Variants in CORO7 observed in about 807,000 individuals in gnomAD.
CORO7 encodes coronin 7.
CORO7 carries 107 observed loss-of-function variants against 126.6 expected under a neutral mutation model. The ratio of observed to expected loss-of-function variants is 0.85; its 90% CI spans 0.72 to 0.99. The LOEUF is 0.99. Among genes scored for constraint, CORO7 ranks in the 50% least tolerant of loss-of-function variants. The pLI is 0.00. For synonymous variants in CORO7, 603 were observed against 536.8 expected (o/e 1.12, Z -1.70); for missense variants, 1,314 against 1,255.8 (o/e 1.05, Z -0.70).
At chr16:4,404,316 G>A (rs1293315486) in intron 6 of CORO7, among the ~76,000 whole-genome samples, 2 of 152,142 alleles carry the variant, frequency 1.3e-5, no homozygotes, top group East Asian at 3.9e-4. Flanking sequence ...AACCCCGACA[G>A]GTCTTCAGAG....
chr16:4,365,173 G>A, intron 10 of CORO7, 113 bp from the exon 11 acceptor site: 1 of 1,470,918 alleles, frequency 6.8e-7, no homozygotes, highest in Non-Finnish European at 9.2e-7. Context: ...GAACCACAGT[G>A]GCTGGAGATG....
At chr16:4,369,872 G>A (rs1361853003) in intron 9 of CORO7, among the ~76,000 whole-genome samples, 2 of 148,774 alleles carry the variant, frequency 1.3e-5, no homozygotes, top group Non-Finnish European at 3.0e-5. Flanking sequence ...TAGCTCCCCC[G>A]CTGTGTGCAG....
intron 6 of CORO7, among the ~76,000 whole-genome samples, chr16:4,400,301 C>A (rs2055751836): frequency 6.6e-6 from 1 of 151,720 alleles, no homozygotes; most frequent in East Asian, 1.9e-4. Context: ...AAGTTTGAGA[C>A]CAGCCTGGTC....
chr16:4,407,896 C>CT (rs770462547), intron 4 of CORO7, among the ~76,000 whole-genome samples: 9 of 152,310 alleles, frequency 5.9e-5, no homozygotes, highest in Middle Eastern at 6.8e-3. Flanking sequence ...ATCTCAGCTC[C>CT]TAGACCACAC....
intron 8 of CORO7, 114 bp from the exon 9 acceptor site, chr16:4,388,182 G>C (rs2055263181): frequency 1.5e-6 from 2 of 1,373,826 alleles, no homozygotes; most frequent in Admixed American, 2.1e-5. Flanking sequence ...ACCTGCCCCA[G>C]AGCAGGGCTT....
chr16:4,394,347 G>C (rs927049905), intron 7 of CORO7, among the ~76,000 whole-genome samples: 1 of 151,988 alleles, frequency 6.6e-6, no homozygotes, highest in Non-Finnish European at 1.5e-5. Flanking sequence ...TACTCGGGAG[G>C]CTGAGGTGAG....
chr16:4,371,097 C>T (rs1455084171), intron 9 of CORO7, among the ~76,000 whole-genome samples: 3 of 152,242 alleles, frequency 2.0e-5, no homozygotes, highest in Non-Finnish European at 1.5e-5. Flanking sequence ...CACCCACCGA[C>T]GGTGACCACC....
At chr16:4,405,431 GGGTCCCAGCCCAGGA>G in intron 6 of CORO7, 45 bp downstream of exon 6, 1 of 1,549,410 alleles carries the variant, frequency 6.5e-7, no homozygotes, top group African/African-American at 1.4e-5. Flanking sequence ...CCAGCCCAGG[GGGTCCCAGCCCAGGA>G]GGCCTGCACA....
chr16:4,358,342 G>A (rs1420170438), intron 24 of CORO7, 25 bp downstream of exon 24: 2 of 1,609,268 alleles, frequency 1.2e-6, no homozygotes, highest in Non-Finnish European at 1.7e-6. Flanking sequence ...CGGTGGGCAT[G>A]GGAGTCCCAG....
intron 21 of CORO7, 71 bp downstream of exon 21, chr16:4,360,207 G>A: frequency 6.3e-7 from 1 of 1,597,576 alleles, no homozygotes; most frequent in Non-Finnish European, 8.6e-7. Context: ...CCTGACAAAT[G>A]TATGTGACTG....
chr16:4,362,177 A>G lies in CORO7; in HGVS notation c.1403-17T>C. 6.2e-7 allele frequency: 1 copy of G among 1,600,748 alleles called. No individual in the cohort carries two copies. Among genetic ancestry groups the G allele is most frequent in the South Asian group, 1.1e-5 (1 of 90,540 alleles). ...AACTGGGGCCTGGCAGGTGGCAGGG[A>G]CATGGAACCACGTGTGAGGATGCCG... On this transcript the variant is annotated splice_polypyrimidine_tract_variant and intron_variant, in intron 15 of 27. Transcript: ENST00000251166. The surrounding 1 kb of genome is among the most constrained non-coding windows in gnomAD (Gnocchi z 5.3).
At position 4,355,388 on chromosome 16, in the gene CORO7, G is replaced by A. The variant is rs778033295; in HGVS notation, c.2686-16C>T. ...CATTCAGCAGCTGGGAGAGAGGGCA[G>A]AAGAAGGGTAGGTAAGGGAATAGGA... On this transcript the variant is annotated splice_polypyrimidine_tract_variant and intron_variant, in intron 26 of 27. Transcript: ENST00000251166. 6.2e-7 allele frequency: 1 copy of A among 1,604,608 alleles called. No homozygotes were observed. Among genetic ancestry groups the A allele is most frequent in the South Asian group, 1.1e-5 (1 of 90,374 alleles).
chr16:4,391,910 C>T (rs1294671410), intron 7 of CORO7, among the ~76,000 whole-genome samples: 2 of 152,344 alleles, frequency 1.3e-5, no homozygotes, highest in Admixed American at 1.3e-4. Flanking sequence ...GCAGTGTCAG[C>T]CCCGCAGGGG....
Position 4,412,395 on chromosome 16 carries a change from C to A in CORO7, c.193G>T (p.Glu65Ter), listed in dbSNP as rs1161130966. 2.0e-5 allele frequency: 32 copies of A among 1,614,220 alleles called. No homozygotes were observed. Among genetic ancestry groups the A allele is most frequent in the Non-Finnish European group, 2.6e-5 (31 of 1,180,044 alleles). Reference sequence around the variant, plus strand: ...AGGTGGGCCACGCGTCGCTTGTCCTCTCCTTGGCCTTGCAGAGGCACAATG... The same window carrying A: ...AGGTGGGCCACGCGTCGCTTGTCCTATCCTTGGCCTTGCAGAGGCACAATG... ...LGIVPLQGQG[E>*]DKRRVAHLGC... The change falls in exon 3 of 28, where the codon GAG (glutamate) becomes TAG (stop). Residue 65 changes from glutamate to a stop codon, truncating the protein, a stop_gained. Coordinates refer to ENST00000251166, the MANE Select transcript of CORO7 (RefSeq NM_024535.5). LOFTEE classifies it high-confidence loss of function.
intron 6 of CORO7, among the ~76,000 whole-genome samples, chr16:4,402,455 C>T (rs541231879): frequency 3.9e-5 from 6 of 152,074 alleles, no homozygotes; most frequent in Admixed American, 2.6e-4. Context: ...CCATGTTGCC[C>T]GGGCTGATCT....
At chr16:4,363,051 C>T (rs2054234503) in intron 14 of CORO7, 3 of 283,314 alleles carry the variant, frequency 1.1e-5, no homozygotes, top group Non-Finnish European at 1.3e-5. Flanking sequence ...AAAATTCTTG[C>T]TTTTTAAGTG....
chr16:4,404,232 C>T lies in CORO7; in HGVS notation c.564+1259G>A, dbSNP rs1366507272. ...CCTGTTCGGCTCCATTCCCAGGCCTCTCAGCCATTCTTCATGTGTCTTCAG... is the reference window on the plus strand; with the variant it reads ...CCTGTTCGGCTCCATTCCCAGGCCTTTCAGCCATTCTTCATGTGTCTTCAG... On this transcript the variant is annotated intron_variant, in intron 6 of 27. Coordinates refer to ENST00000251166, the MANE Select transcript of CORO7 (RefSeq NM_024535.5). Among the ~76,000 whole-genome samples the T allele has an allele frequency of 4.6e-5, 7 of 152,232 alleles. No homozygotes were observed. The East Asian group carries it at 1.3e-3, about 29-fold the overall frequency.
intron 7 of CORO7, among the ~76,000 whole-genome samples, chr16:4,394,622 G>A (rs1039097975): frequency 3.3e-5 from 5 of 152,182 alleles, no homozygotes; most frequent in African/African-American, 1.2e-4. Flanking sequence ...AGTTACTCAG[G>A]GAAGCACTAA....
chr16:4,395,336 T>C lies in CORO7; in HGVS notation c.568A>G (p.Lys190Glu), dbSNP rs760580887. Residue 190 changes from lysine to glutamate, a missense_variant, in exon 7 of 28, where the codon AAG becomes GAG. Coordinates refer to ENST00000251166, the MANE Select transcript of CORO7 (RefSeq NM_024535.5). ...GALVGTACKD[K>E]QLRIFDPRTK... Reference sequence around the variant, plus strand: ...CTGGGGTCAAAGATCCGCAGCTGCTTGTCCTGGAAAAGCAGAGAGGAGGAA... The same window carrying C: ...CTGGGGTCAAAGATCCGCAGCTGCTCGTCCTGGAAAAGCAGAGAGGAGGAA... 6 of 1,614,028 alleles carry C rather than the reference T, an allele frequency of 3.7e-6. No homozygotes were observed. Among genetic ancestry groups the C allele is most frequent in the Non-Finnish European group, 5.1e-6 (6 of 1,180,000 alleles).
Sources: allele counts gnomAD v4.1 joint callset (sites outside exome capture counted in the v4.1 genomes callset), GRCh38; gene constraint gnomAD v4.1.1; non-coding constraint Gnocchi (gnomAD v3.1); transcripts MANE v1.5; gene names NCBI Gene and HGNC (gene_info 2026-07-23, HGNC 2026-07-21).